The following DNAJC17 variants were observed in gnomAD, a reference collection of about 807,000 sequenced individuals.
DNAJC17 encodes DnaJ heat shock protein family (Hsp40) member C17.
Under a neutral mutation model 48.1 loss-of-function variants are expected in DNAJC17, and 35 were observed. That is an observed-to-expected ratio of 0.73 (90% CI 0.56 to 0.96). The LOEUF is 0.96. Ranked by LOEUF, DNAJC17 falls within the 50% of genes least tolerant of loss-of-function variation. The pLI, the probability that DNAJC17 is intolerant of heterozygous loss-of-function variation, is 0.00. For missense variants in DNAJC17, 355 were observed against 377.1 expected, an observed-to-expected ratio of 0.94 and a Z score of 0.48; for synonymous variants, 117 against 142.7, an observed-to-expected ratio of 0.82 and a Z score of 1.28.
At chr15:40,800,915 G>A (rs912301126) in intron 1 of DNAJC17, among the ~76,000 whole-genome samples, 98 of 148,720 alleles carry the variant, frequency 6.6e-4, no homozygotes, top group African/African-American at 2.3e-3. Flanking sequence ...CCGAGATTGC[G>A]CCACCATGCT....
Position 40,767,779 on chromosome 15 carries a change from G to A in DNAJC17, c.*161C>T, listed in dbSNP as rs562848890. On this transcript the variant is annotated 3_prime_UTR_variant, in exon 11 of 11. Coordinates refer to ENST00000220496, the MANE Select transcript of DNAJC17 (RefSeq NM_018163.3). ...CTGCGGAGCGTTTCCCTGGGGGTCTGCCCACTTCCTGGGAGGGGCGCCAGG... is the reference window on the plus strand; with the variant it reads ...CTGCGGAGCGTTTCCCTGGGGGTCTACCCACTTCCTGGGAGGGGCGCCAGG... 5.0e-5 allele frequency: 53 copies of A among 1,054,274 alleles called. No homozygotes were observed. In the African/African-American group the frequency reaches 7.8e-4, roughly 15 times the overall value. 65.3% of individuals were successfully genotyped at this position (1,054,274 alleles called of 1,614,324 possible). A position where few individuals can be genotyped will look rare whatever the true frequency, so the allele number is the denominator to read the frequency against.
chr15:40,781,706 G>C (rs1427452060), intron 1 of DNAJC17, among the ~76,000 whole-genome samples: 1 of 151,700 alleles, frequency 6.6e-6, no homozygotes, highest in Non-Finnish European at 1.5e-5. Flanking sequence ...TGGATCACGA[G>C]GTCAGGAGAT....
rs1889436807 is a variant in DNAJC17 at position 40,779,966 on chromosome 15, G to A, written c.110C>T (p.Ser37Phe). 1 of 1,614,160 alleles carries A rather than the reference G, an allele frequency of 6.2e-7. No individual in the cohort carries two copies. The highest frequency in any genetic ancestry group is 8.5e-7 in the Non-Finnish European group (1 of 1,180,030). ...ATCTGGATTTTTGTCTGGGTGGCAG[G>A]AGAGGGCCTTCTGCCTATACGCCTT... is the stretch of plus-strand genomic sequence containing the variant. ...VKKAYRQKAL[S>F]CHPDKNPDNP... Residue 37 changes from serine to phenylalanine, a missense_variant, in exon 2 of 11, where the codon TCC becomes TTC. Ser to Phe is a radical substitution (Grantham distance 155, BLOSUM62 -2). Coordinates refer to ENST00000220496, the MANE Select transcript of DNAJC17 (RefSeq NM_018163.3).
intron 10 of DNAJC17, among the ~76,000 whole-genome samples, chr15:40,772,821 T>C (rs1889191089): frequency 6.6e-6 from 1 of 152,136 alleles, no homozygotes; most frequent in Non-Finnish European, 1.5e-5. Flanking sequence ...AGCCTTTGTA[T>C]CCAGGCCAAA....
Position 40,770,913 on chromosome 15 carries a change from C to T in DNAJC17, c.792+2814G>A, listed in dbSNP as rs1889119951. ...TCCCTGCTTCCAGAGGACACCTACC[C>T]CAGACCTCAGTGATCCCTTCCTCTC... On this transcript the variant is annotated intron_variant, in intron 10 of 10. Transcript: ENST00000220496. The surrounding 1 kb of genome is among the most constrained non-coding windows in gnomAD (Gnocchi z 5.0). 1 of 1,551,546 alleles carries T rather than the reference C, an allele frequency of 6.4e-7. No homozygotes were observed. Among genetic ancestry groups the T allele is most frequent in the Non-Finnish European group, 8.7e-7 (1 of 1,147,008 alleles).
chr15:40,777,496 A>G (rs1889361599), intron 4 of DNAJC17, among the ~76,000 whole-genome samples: 1 of 152,100 alleles, frequency 6.6e-6, no homozygotes, highest in African/African-American at 2.4e-5. Flanking sequence ...AGAGGGGTGG[A>G]TCACCTGAGG....
chr15:40,770,914 C>G lies in DNAJC17; in HGVS notation c.792+2813G>C. ...CCCTGCTTCCAGAGGACACCTACCC[C>G]AGACCTCAGTGATCCCTTCCTCTCC... On this transcript the variant is annotated intron_variant, in intron 10 of 10. Transcript: ENST00000220496. The surrounding 1 kb of genome is among the most constrained non-coding windows in gnomAD (Gnocchi z 5.0). 1 of 1,551,538 alleles carries G rather than the reference C, an allele frequency of 6.4e-7. No individual in the cohort carries two copies. The highest frequency in any genetic ancestry group is 2.4e-5 in the East Asian group (1 of 40,924).
At chr15:40,788,626 G>A (rs1178915445) in intron 1 of DNAJC17, among the ~76,000 whole-genome samples, 2 of 151,682 alleles carry the variant, frequency 1.3e-5, no homozygotes, top group Non-Finnish European at 2.9e-5. Context: ...AACCCGGGAG[G>A]CGGAGCTTGC....
chr15:40,768,343 C>T (rs561980662), intron 10 of DNAJC17, among the ~76,000 whole-genome samples: 2 of 152,210 alleles, frequency 1.3e-5, no homozygotes, highest in Non-Finnish European at 2.9e-5. Flanking sequence ...GAATCACCTG[C>T]GGGCCCTCTA....
chr15:40,779,479 G>A (rs771236036), intron 3 of DNAJC17, 66 bp downstream of exon 3: 38 of 1,599,146 alleles, frequency 2.4e-5, no homozygotes, highest in Middle Eastern at 1.7e-4. Flanking sequence ...GCAGAGGACC[G>A]AGGTTGAGAG....
Position 40,766,068 on chromosome 15 carries a change from G to A in DNAJC17, c.*1872C>T, listed in dbSNP as rs1256949087. 3.5e-5 allele frequency: 16 copies of A among 461,892 alleles called. No individual in the cohort carries two copies. The highest frequency in any genetic ancestry group is 5.9e-5 in the Non-Finnish European group (15 of 253,402). 28.6% of individuals were successfully genotyped at this position (461,892 alleles called of 1,614,324 possible). On this transcript the variant is annotated 3_prime_UTR_variant, in exon 11 of 11. Coordinates refer to ENST00000220496, the MANE Select transcript of DNAJC17 (RefSeq NM_018163.3). ...GGGGCTCTGTTCTCCGGAGGAGTTG[G>A]TCCCATCTGTAGCCTCTCCAACATC...
rs1889076874 is a variant in DNAJC17 at position 40,769,857 on chromosome 15, G to C, written c.793-1795C>G. On this transcript the variant is annotated intron_variant, in intron 10 of 10. Coordinates refer to ENST00000220496, the MANE Select transcript of DNAJC17 (RefSeq NM_018163.3). The surrounding 1 kb of genome is among the most constrained non-coding windows in gnomAD (Gnocchi z 4.2). ...GAATCTTAAGCTCCCCATTGCCCTGGGGTGTTGGTCCCAGCTGCCCCATCC... is the reference window on the plus strand; with the variant it reads ...GAATCTTAAGCTCCCCATTGCCCTGCGGTGTTGGTCCCAGCTGCCCCATCC... 6.5e-6 allele frequency: 1 copy of C among 152,784 alleles called. No individual in the cohort carries two copies. The highest frequency in any genetic ancestry group is 2.1e-4 in the South Asian group (1 of 4,862). 9.5% of individuals were successfully genotyped at this position (152,784 alleles called of 1,614,324 possible).
rs1889095672 is a variant in DNAJC17 at position 40,770,431 on chromosome 15, C to T, written c.793-2369G>A. ...CTCCCCAGCTGCTGGCACTCACTGC[C>T]CCAGCAGGGACCACATGCACCCTGG... On this transcript the variant is annotated intron_variant, in intron 10 of 10. Coordinates refer to ENST00000220496, the MANE Select transcript of DNAJC17 (RefSeq NM_018163.3). The surrounding 1 kb of genome is among the most constrained non-coding windows in gnomAD (Gnocchi z 5.0). The T allele has an allele frequency of 1.4e-6, 2 of 1,464,246 alleles. No individual in the cohort carries two copies. Among genetic ancestry groups the T allele is most frequent in the Non-Finnish European group, 9.1e-7 (1 of 1,096,236 alleles). 90.7% of individuals were successfully genotyped at this position (1,464,246 alleles called of 1,614,324 possible). A position where few individuals can be genotyped will look rare whatever the true frequency, so the allele number is the denominator to read the frequency against.
At chr15:40,774,519 T>C (rs36041389) in intron 8 of DNAJC17, 83 bp from the exon 9 acceptor site, 14 of 1,467,172 alleles carry the variant, frequency 9.5e-6, no homozygotes, top group East Asian at 6.8e-5. Context: ...CTGGGCTACC[T>C]TGAGGCCCAT....
intron 1 of DNAJC17, among the ~76,000 whole-genome samples, chr15:40,784,378 T>C (rs1889587662): frequency 6.6e-6 from 1 of 152,236 alleles, no homozygotes; most frequent in African/African-American, 2.4e-5. Flanking sequence ...TTGAATGTTC[T>C]ATATTGGAAT....
rs1889071200 is a variant in DNAJC17 at position 40,769,695 on chromosome 15, CG to C, written c.793-1634del. ...CCTTTCAATTAACTCCCACCCGCCC[CG>C]AACTCTTCCTACCCAGACACTGTGG... is the stretch of plus-strand genomic sequence containing the variant. On this transcript the variant is annotated intron_variant, in intron 10 of 10. Coordinates refer to ENST00000220496, the MANE Select transcript of DNAJC17 (RefSeq NM_018163.3). This position sits in a 1 kb window ranked among gnomAD's most constrained non-coding sequence, Gnocchi z 4.2. 6.6e-6 allele frequency among the ~76,000 whole-genome samples: 1 copy of C among 152,248 alleles called. No homozygotes were observed. The highest frequency in any genetic ancestry group is 2.4e-5 in the African/African-American group (1 of 41,454).
At chr15:40,802,791 T>C (rs570442948) in intron 1 of DNAJC17, among the ~76,000 whole-genome samples, 9 of 152,232 alleles carry the variant, frequency 5.9e-5, no homozygotes, top group African/African-American at 1.9e-4. Context: ...TTAGGGCTTC[T>C]TTGACTTTTG....
intron 1 of DNAJC17, among the ~76,000 whole-genome samples, chr15:40,804,613 A>T (rs557567961): frequency 2.7e-5 from 4 of 149,060 alleles, no homozygotes; most frequent in East Asian, 1.9e-4. Flanking sequence ...ACATAAAAAT[A>T]AAAAAAAAAT....
intron 10 of DNAJC17, among the ~76,000 whole-genome samples, 176 bp downstream of exon 10, chr15:40,773,551 T>C (rs917217035): frequency 2.6e-5 from 4 of 152,098 alleles, no homozygotes; most frequent in African/African-American, 9.7e-5. Context: ...TCTCTGGCCC[T>C]CAGAGAGGAA....
Sources: allele counts gnomAD v4.1 joint callset (sites outside exome capture counted in the v4.1 genomes callset), GRCh38; gene constraint gnomAD v4.1.1; non-coding constraint Gnocchi (gnomAD v3.1); transcripts MANE v1.5; gene names NCBI Gene and HGNC (gene_info 2026-07-23, HGNC 2026-07-21).